The following LSM1 variants were observed in gnomAD, a reference collection of about 807,000 sequenced individuals.
LSM1 encodes LSM1 homolog, mRNA degradation associated, also known as U6 snRNA-associated Sm-like protein LSm1.
In LSM1, 13 loss-of-function variants were observed where a neutral mutation model predicts 18.0. The ratio of observed to expected loss-of-function variants is 0.72; its 90% confidence interval spans 0.47 to 1.15. The LOEUF (loss-of-function observed/expected upper bound fraction) is 1.15, where lower values mean the gene tolerates loss of function less well. Among genes scored for constraint, LSM1 ranks in the 50% most tolerant of loss-of-function variants. LSM1 has a pLI of 0.00. For missense variants in LSM1, 152 were observed against 157.7 expected (o/e 0.96, Z 0.19); for synonymous variants, 46 against 56.0 (o/e 0.82, Z 0.80).
At chr8:38,171,931 A>G in intron 2 of LSM1, 34 bp downstream of exon 2, 1 of 1,444,654 alleles carries the variant, frequency 6.9e-7, no homozygotes, top group Non-Finnish European at 9.6e-7. Flanking sequence ...GTTATTATCC[A>G]GAGTATAAGA....
chr8:38,174,718 T>C (rs1463136246), intron 1 of LSM1, among the ~76,000 whole-genome samples: 1 of 152,100 alleles, frequency 6.6e-6, no homozygotes, highest in Non-Finnish European at 1.5e-5. Context: ...ATAAGTAATT[T>C]GTGTTTAAAA....
chr8:38,174,273 G>C (rs879702553), intron 1 of LSM1, among the ~76,000 whole-genome samples: 1 of 152,086 alleles, frequency 6.6e-6, no homozygotes, highest in Admixed American at 6.6e-5. Context: ...AGAACGCAGG[G>C]GTTGGGGAGA....
rs117235344 is a variant in LSM1 at position 38,163,515 on chromosome 8, C to T, written c.*155G>A. On this transcript the variant is annotated 3_prime_UTR_variant, in exon 4 of 4. Transcript: ENST00000311351. ...TTATTAAAAAAAAAACCCACCTACACGATTTCTTCATGTTGCATATGTAAA... is the reference window on the plus strand; with the variant it reads ...TTATTAAAAAAAAAACCCACCTACATGATTTCTTCATGTTGCATATGTAAA... 3.2e-3 allele frequency: 1,972 copies of T among 624,348 alleles called. 26 individuals are homozygous for T. The highest frequency in any genetic ancestry group is 0.023 in the Middle Eastern group (51 of 2,224). 38.7% of individuals were successfully genotyped at this position (624,348 alleles called of 1,614,324 possible). A position where few individuals can be genotyped will look rare whatever the true frequency, so the allele number is the denominator to read the frequency against.
intron 1 of LSM1, chr8:38,175,984 G>GT (rs1402209166): frequency 2.9e-6 from 1 of 346,954 alleles, no homozygotes; most frequent in Non-Finnish European, 5.3e-6. Flanking sequence ...CTTCTTTCGT[G>GT]TTCGGGCCTC....
At chr8:38,176,622 G>T (rs1803153179), upstream of LSM1, 1 of 566,208 alleles carries the variant, frequency 1.8e-6, no homozygotes, top group East Asian at 3.0e-5. Flanking sequence ...AAATGGCGAG[G>T]AAACGTATAC....
chr8:38,171,874 T>C (rs1803035623), intron 2 of LSM1, 91 bp downstream of exon 2: 1 of 926,588 alleles, frequency 1.1e-6, no homozygotes, highest in South Asian at 1.4e-5. Flanking sequence ...GTGAAAAAGT[T>C]GCAGATAAAT....
chr8:38,170,026 A>G (rs1454558004), intron 2 of LSM1, 109 bp from the exon 3 acceptor site: 1 of 581,210 alleles, frequency 1.7e-6, no homozygotes, highest in African/African-American at 2.0e-5. Context: ...CATGATTTCC[A>G]AGCTTTCTAA....
intron 1 of LSM1, among the ~76,000 whole-genome samples, chr8:38,174,845 A>T (rs1338150287): frequency 6.6e-6 from 1 of 151,782 alleles, no homozygotes; most frequent in Non-Finnish European, 1.5e-5. Flanking sequence ...CAGCATGGCG[A>T]AACCTCGTCT....
intron 3 of LSM1, 100 bp downstream of exon 3, chr8:38,169,702 A>G: frequency 3.0e-6 from 2 of 671,756 alleles, no homozygotes; most frequent in Non-Finnish European, 5.1e-6. Flanking sequence ...GAAGCCAGAT[A>G]AATGTGGAGA....
At position 38,176,446 on chromosome 8, in the gene LSM1, C is replaced by T. The variant is rs1429277218; in HGVS notation, c.-126G>A. The T allele has an allele frequency of 1.4e-6, 1 of 737,922 alleles. No homozygotes were observed. The highest frequency in any genetic ancestry group is 1.8e-5 in the African/African-American group (1 of 57,102). 45.7% of individuals were successfully genotyped at this position (737,922 alleles called of 1,614,324 possible). ...GGAATCCCGACCGAGACCAGCACTTCTGCCCCGGCTTTCAGCCGCCGGGGG... is the reference window on the plus strand; with the variant it reads ...GGAATCCCGACCGAGACCAGCACTTTTGCCCCGGCTTTCAGCCGCCGGGGG... On this transcript the variant is annotated 5_prime_UTR_variant, in exon 1 of 4. Transcript: ENST00000311351.
At chr8:38,165,003 ATTTAGG>A (rs1802905961) in intron 3 of LSM1, among the ~76,000 whole-genome samples, 1 of 152,126 alleles carries the variant, frequency 6.6e-6, no homozygotes, top group South Asian at 2.1e-4. Flanking sequence ...TCGGCAGACC[ATTTAGG>A]TTACTAAACC....
chr8:38,171,024 A>G, intron 2 of LSM1: 1 of 433,252 alleles, frequency 2.3e-6, no homozygotes, highest in Non-Finnish European at 4.7e-6. Context: ...TTGAAACAGA[A>G]GGAAACATAA....
intron 1 of LSM1, 72 bp downstream of exon 1, chr8:38,176,203 C>T: frequency 7.3e-7 from 1 of 1,363,058 alleles, no homozygotes; most frequent in South Asian, 1.2e-5. Context: ...CTACAAGCTT[C>T]TTCGGAAGAG....
At chr8:38,172,116 T>C (rs1803039899) in intron 1 of LSM1, 83 bp from the exon 2 acceptor site, 3 of 962,280 alleles carry the variant, frequency 3.1e-6, no homozygotes, top group East Asian at 2.4e-5. Context: ...GTTTAAGCTG[T>C]ACCACTTCCT....
At chr8:38,172,179 A>C in intron 1 of LSM1, 146 bp from the exon 2 acceptor site, 1 of 635,304 alleles carries the variant, frequency 1.6e-6, no homozygotes, top group Non-Finnish European at 2.8e-6. Context: ...TGAAAAAAGC[A>C]GCACAGCAAC....
chr8:38,172,707 A>G (rs1274361929), intron 1 of LSM1, among the ~76,000 whole-genome samples: 1 of 152,212 alleles, frequency 6.6e-6, no homozygotes, highest in African/African-American at 2.4e-5. Flanking sequence ...CTAGATGACT[A>G]TTATCTTATT....
chr8:38,175,859 C>G (rs1803125676), intron 1 of LSM1: 1 of 160,924 alleles, frequency 6.2e-6, no homozygotes, highest in Non-Finnish European at 1.4e-5. Context: ...TTAATATTTT[C>G]GCTTTTTAAT....
intron 3 of LSM1, among the ~76,000 whole-genome samples, chr8:38,167,965 CTTTT>C (rs760684822): frequency 7.0e-6 from 1 of 143,256 alleles, no homozygotes; most frequent in Admixed American, 7.0e-5. Flanking sequence ...TGCTTTCAGA[CTTTT>C]TTTTTTTTTT....
chr8:38,168,963 A>C, intron 3 of LSM1, among the ~76,000 whole-genome samples: 1 of 152,172 alleles, frequency 6.6e-6, no homozygotes, highest in Non-Finnish European at 1.5e-5. Flanking sequence ...AGATTTCTGC[A>C]AACTGATTTA....
Sources: gnomAD v4.1 joint callset for allele counts (sites outside exome capture counted in the v4.1 genomes callset) on GRCh38, gnomAD v4.1.1 for gene constraint, MANE v1.5 for transcripts, NCBI Gene and HGNC (gene_info 2026-07-23, HGNC 2026-07-21) for gene names.